The following TBC1D8B variants were observed in gnomAD, a reference collection of about 807,000 sequenced individuals.
TBC1D8B encodes the protein TBC1 domain family member 8B, also known as RP11-321G1.1.
Under a neutral mutation model 82.9 loss-of-function variants are expected in TBC1D8B, and 75 were observed. The observed-to-expected ratio is 0.90, with a 90% CI of 0.75 to 1.10. TBC1D8B has a LOEUF of 1.10. TBC1D8B is among the 50% of genes least tolerant of loss of function. The pLI is 0.00. For synonymous variants in TBC1D8B, 276 were observed against 276.8 expected (o/e 1.00, Z 0.03); for missense variants, 794 against 796.9 (o/e 1.00, Z 0.04).
intron 1 of TBC1D8B, among the ~76,000 whole-genome samples, chrX:106,811,419 G>T (rs147460098): frequency 2.7e-3 from 305 of 111,341 alleles, no homozygotes; most frequent in African/African-American, 9.6e-3. Context: ...CCAGCTACAC[G>T]GAAGGCTGGG....
intron 7 of TBC1D8B, chrX:106,829,389 A>G (rs1312834474): frequency 9.6e-6 from 1 of 104,134 alleles, no homozygotes; most frequent in Non-Finnish European, 1.9e-5. Context: ...TACAGATTCA[A>G]TGCCATCCCC....
chrX:106,813,515 C>A (rs1443725304), intron 1 of TBC1D8B, among the ~76,000 whole-genome samples: 1 of 111,814 alleles, frequency 8.9e-6, no homozygotes, highest in African/African-American at 3.3e-5. Context: ...ACCTTTCTTG[C>A]CAGTGATTTT....
In TBC1D8B at chrX:106,853,688, A is replaced by G. The variant is rs137921789; in HGVS notation, c.2253+38A>G. The G allele has an allele frequency of 1.9e-4, 219 of 1,126,615 alleles. No individual in the cohort carries two copies. In the African/African-American group the frequency reaches 3.0e-3, roughly 16 times the overall value. 92.8% of individuals were successfully genotyped at this position (1,126,615 alleles called of 1,213,427 possible). ...ATGCCATAAATATATTAGCTAGCAT[A>G]TTTAAAATGATTGAACTATGGTCTA... On this transcript the variant is annotated intron_variant, in intron 13 of 20. Coordinates refer to ENST00000357242, the MANE Select transcript of TBC1D8B (RefSeq NM_017752.3).
intron 1 of TBC1D8B, among the ~76,000 whole-genome samples, chrX:106,810,470 C>G (rs1235748220): frequency 8.9e-6 from 1 of 111,856 alleles, no homozygotes; most frequent in Non-Finnish European, 1.9e-5. Context: ...ATGTCTTAAT[C>G]TATACCAGAG....
At chrX:106,859,730 A>G (rs1410713473) in intron 14 of TBC1D8B, among the ~76,000 whole-genome samples, 1 of 111,641 alleles carries the variant, frequency 9.0e-6, no homozygotes, top group East Asian at 2.8e-4. Flanking sequence ...TGTCTGTACT[A>G]TGTTGAACCA....
In TBC1D8B at chrX:106,848,219, T is replaced by C. The variant is rs1174565910; in HGVS notation, c.1753T>C (p.Tyr585His). ...TATTTTGACTTCAGTGCTGCTTCTA[T>C]ATGCAAAAGAGGAAGAAGCTTTTTG... Reference protein sequence around the residue: ...MNILTSVLLLYAKEEEAFWLL... With the variant: ...MNILTSVLLLHAKEEEAFWLL... Residue 585 changes from tyrosine (Y) to histidine (H), a missense_variant, in exon 11 of 21, where the codon TAT becomes CAT. Coordinates refer to ENST00000357242, the MANE Select transcript of TBC1D8B (RefSeq NM_017752.3). The C allele has an allele frequency of 8.4e-7, 1 of 1,195,267 alleles. No individual in the cohort carries two copies.
chrX:106,804,927 G>T (rs1931139768), intron 1 of TBC1D8B, among the ~76,000 whole-genome samples: 1 of 110,160 alleles, frequency 9.1e-6, no homozygotes. Context: ...TTATAGTCCC[G>T]TGTTACAGCC....
chrX:106,825,076 CTTTAT>C (rs1393031832), intron 5 of TBC1D8B, among the ~76,000 whole-genome samples: 1 of 110,917 alleles, frequency 9.0e-6, no homozygotes, highest in Non-Finnish European at 1.9e-5. Context: ...CATAAATGGA[CTTTAT>C]TTTATTTAAA....
At chrX:106,848,604 A>G (rs1198730105) in intron 11 of TBC1D8B, among the ~76,000 whole-genome samples, 2 of 111,481 alleles carry the variant, frequency 1.8e-5, no homozygotes, top group African/African-American at 6.5e-5. Context: ...CTATGTTGCT[A>G]AAACAATGGT....
intron 18 of TBC1D8B, among the ~76,000 whole-genome samples, chrX:106,868,720 C>A (rs1000946413): frequency 3.6e-5 from 4 of 111,878 alleles, no homozygotes; most frequent in South Asian, 3.7e-4. Context: ...TTTCTACTTA[C>A]GTTGCAGAAA....
At chrX:106,815,902 G>A (rs1451100241) in intron 1 of TBC1D8B, 4 of 111,143 alleles carry the variant, frequency 3.6e-5, no homozygotes, top group Non-Finnish European at 5.7e-5. Flanking sequence ...GTATTGATGG[G>A]TCGTATCTTA....
chrX:106,853,507 T>C lies in TBC1D8B; in HGVS notation c.2124-14T>C. 1 of 1,199,145 alleles carries C rather than the reference T, an allele frequency of 8.3e-7. No homozygotes were observed. Among genetic ancestry groups the C allele is most frequent in the Admixed American group, 2.2e-5 (1 of 45,617 alleles). Reference sequence around the variant, plus strand: ...AGTTCCACTAATTCTTGTATTACTATCACTTTTCAATAGGTTCTTTGACAA... The same window carrying C: ...AGTTCCACTAATTCTTGTATTACTACCACTTTTCAATAGGTTCTTTGACAA... On this transcript the variant is annotated splice_polypyrimidine_tract_variant and intron_variant, in intron 12 of 20. Coordinates refer to ENST00000357242, the MANE Select transcript of TBC1D8B (RefSeq NM_017752.3).
chrX:106,804,497 T>C (rs1005293195), intron 1 of TBC1D8B, among the ~76,000 whole-genome samples: 21 of 112,122 alleles, frequency 1.9e-4, no homozygotes, highest in African/African-American at 6.8e-4. Flanking sequence ...AGTCTTTCCA[T>C]TTAATAGATG....
chrX:106,864,142 A>G (rs961585418), intron 14 of TBC1D8B, among the ~76,000 whole-genome samples: 4 of 111,192 alleles, frequency 3.6e-5, no homozygotes, highest in African/African-American at 6.5e-5. Context: ...TGCCTCTGCA[A>G]ACCGTCTGGG....
At chrX:106,872,261 G>T (rs1268798245) in intron 20 of TBC1D8B, among the ~76,000 whole-genome samples, 1 of 101,039 alleles carries the variant, frequency 9.9e-6, no homozygotes, top group African/African-American at 3.7e-5. Context: ...CTCCAACCTG[G>T]GTGAGCTGAG....
intron 20 of TBC1D8B, among the ~76,000 whole-genome samples, chrX:106,872,458 TA>T (rs1569279497): frequency 3.7e-3 from 4 of 1,092 alleles, no homozygotes; most frequent in Non-Finnish European, 0.02. Context: ...AAAATATTTA[TA>T]TATATATATA....
rs1191014423 is a variant in TBC1D8B, at chrX:106,817,854, CT to C, written c.131-800del. 1.0e-4 allele frequency among the ~76,000 whole-genome samples: 11 copies of C among 108,909 alleles called. 1 individual carries two copies. The Admixed American group carries it at 1.1e-3, about 11-fold the overall frequency. The allele number at this position is 108,909 out of a possible 115,157, so 94.6% of individuals were successfully genotyped here. Reference sequence around the variant, plus strand: ...GACTAGAAGACTTTCATTAGGATTTCTTTTTTTTTCATTAGCATTTCTAGGT... The same window carrying C: ...GACTAGAAGACTTTCATTAGGATTTCTTTTTTTTCATTAGCATTTCTAGGT... On this transcript the variant is annotated intron_variant, in intron 1 of 20. Transcript: ENST00000357242.
intron 10 of TBC1D8B, among the ~76,000 whole-genome samples, chrX:106,846,520 A>T (rs953545595): frequency 9.0e-5 from 10 of 111,290 alleles, no homozygotes; most frequent in African/African-American, 3.3e-4. Flanking sequence ...TTTATTAAAT[A>T]AATGCTACCT....
chrX:106,872,098 C>A (rs1217552077), intron 20 of TBC1D8B, among the ~76,000 whole-genome samples: 1 of 110,151 alleles, frequency 9.1e-6, no homozygotes, highest in Non-Finnish European at 1.9e-5. Context: ...TGAGGTAAGA[C>A]CCTTTCTAGG....
Sources: gnomAD v4.1 joint callset for allele counts (sites outside exome capture counted in the v4.1 genomes callset) on GRCh38, gnomAD v4.1.1 for gene constraint, MANE v1.5 for transcripts, NCBI Gene and HGNC (gene_info 2026-07-23, HGNC 2026-07-21) for gene names.